PLPP1: variants seen among roughly 807,000 people sequenced by gnomAD.
The protein encoded by PLPP1 is phospholipid phosphatase 1.
Under a neutral mutation model 31.2 loss-of-function variants are expected in PLPP1, and 24 were observed. The ratio of observed to expected loss-of-function variants is 0.77; its 90% CI spans 0.56 to 1.08. The LOEUF (loss-of-function observed/expected upper bound fraction) is 1.08. Ranked by LOEUF, PLPP1 falls within the 50% of genes least tolerant of loss-of-function variation. The probability of loss-of-function intolerance (pLI) is 0.00; values close to 1 mark genes in which losing one functional copy is unlikely to be tolerated. For synonymous variants in PLPP1, 146 were observed against 126.3 expected, an observed-to-expected ratio of 1.16 and a Z score of -1.05; for missense variants, 319 against 342.7, an observed-to-expected ratio of 0.93 and a Z score of 0.55.
At chr5:55,522,355 T>C (rs182537016) in intron 1 of PLPP1, among the ~76,000 whole-genome samples, 1 of 152,342 alleles carries the variant, frequency 6.6e-6, no homozygotes, top group East Asian at 1.9e-4. Flanking sequence ...TGCTTAATAG[T>C]TATTGGGAGT....
At chr5:55,505,695 G>A (rs1753259310) in intron 1 of PLPP1, among the ~76,000 whole-genome samples, 1 of 152,146 alleles carries the variant, frequency 6.6e-6, no homozygotes, top group African/African-American at 2.4e-5. Flanking sequence ...AATACCACAA[G>A]TCGAAACTTA....
intron 5 of PLPP1, 143 bp from the exon 6 acceptor site, chr5:55,425,477 C>T: frequency 4.1e-6 from 3 of 722,998 alleles, no homozygotes; most frequent in Non-Finnish European, 6.1e-6. Context: ...AAATTAGAGA[C>T]TAACTGGGAT....
intron 2 of PLPP1, among the ~76,000 whole-genome samples, chr5:55,468,948 A>T (rs937584510): frequency 2.6e-5 from 4 of 152,170 alleles, no homozygotes; most frequent in Admixed American, 2.6e-4. Context: ...GAGTAAAATC[A>T]TTTCAGGGAG....
In PLPP1 at chr5:55,425,284, T is replaced by C. The variant is rs753327854; in HGVS notation, c.777A>G (p.Arg259=). ...GAGTTGTATGAGAGTCCTCCTCTTT[T>C]CTTTCTTTAAAAGAAGTTCTTTCTT... ...FFKERTSFKE[R]KEEDSHTTLH... The change falls in exon 6 of 6, where the codon AGA becomes AGG. Residue 259 remains arginine, a synonymous_variant. Coordinates refer to ENST00000307259, the MANE Select transcript of PLPP1 (RefSeq NM_003711.4). 26 of 1,611,636 alleles carry C rather than the reference T, an allele frequency of 1.6e-5. No homozygotes were observed. Among genetic ancestry groups the C allele is most frequent in the Non-Finnish European group, 2.0e-5 (23 of 1,177,996 alleles).
intron 1 of PLPP1, among the ~76,000 whole-genome samples, chr5:55,513,496 T>C (rs1188755605): frequency 1.3e-5 from 2 of 152,070 alleles, no homozygotes; most frequent in Non-Finnish European, 2.9e-5. Flanking sequence ...GGTCTCGAAC[T>C]CCTAACCCCA....
intron 1 of PLPP1, among the ~76,000 whole-genome samples, chr5:55,511,082 AT>A (rs1489306558): frequency 6.6e-6 from 1 of 152,204 alleles, no homozygotes; most frequent in Non-Finnish European, 1.5e-5. Flanking sequence ...ATCTCTGCAA[AT>A]AAAATGTGTC....
rs146539926 is a variant in PLPP1 at position 55,528,746 on chromosome 5, C to T, written c.58+5826G>A. Among the ~76,000 whole-genome samples, 117 of 152,062 alleles carry T rather than the reference C, an allele frequency of 7.7e-4. 5 individuals are homozygous for T. In the East Asian group the frequency reaches 0.021, roughly 28 times the overall value. On this transcript the variant is annotated intron_variant, in intron 1 of 5. Coordinates refer to ENST00000307259, the MANE Select transcript of PLPP1 (RefSeq NM_003711.4). The stretch of plus-strand genomic sequence containing the variant: ...CAAAACCAAAATATACCTTTTTATA[C>T]AATATATGTATATATTAGCAGCAAA...
At chr5:55,457,882 C>CT (rs1411129586) in intron 3 of PLPP1, among the ~76,000 whole-genome samples, 1 of 84,832 alleles carries the variant, frequency 1.2e-5, no homozygotes, top group Non-Finnish European at 2.5e-5. Flanking sequence ...CAGCGAGACT[C>CT]TGTCTCAAAA....
intron 4 of PLPP1, among the ~76,000 whole-genome samples, chr5:55,431,100 G>C (rs565138391): frequency 6.6e-6 from 1 of 152,192 alleles, no homozygotes; most frequent in East Asian, 1.9e-4. Context: ...CAAATTTTTG[G>C]TGTCTCAGAA....
intron 2 of PLPP1, among the ~76,000 whole-genome samples, 191 bp downstream of exon 2, chr5:55,475,108 C>A (rs544947952): frequency 2.0e-5 from 3 of 152,166 alleles, no homozygotes; most frequent in South Asian, 2.1e-4. Context: ...CTGGCTCTTA[C>A]AATTACACAT....
chr5:55,521,947 A>C (rs914758648), intron 1 of PLPP1, among the ~76,000 whole-genome samples: 2 of 152,176 alleles, frequency 1.3e-5, no homozygotes, highest in African/African-American at 4.8e-5. Flanking sequence ...CAGCAAACCC[A>C]TCTCTCCTAC....
intron 3 of PLPP1, among the ~76,000 whole-genome samples, chr5:55,443,295 A>C (rs939438597): frequency 2.7e-5 from 4 of 149,700 alleles, no homozygotes; most frequent in Admixed American, 6.7e-5. Flanking sequence ...ATGCCTAAGA[A>C]AGAGAATTCT....
intron 3 of PLPP1, among the ~76,000 whole-genome samples, chr5:55,462,462 C>A (rs1752186501): frequency 6.6e-6 from 1 of 152,048 alleles, no homozygotes; most frequent in African/African-American, 2.4e-5. Context: ...GATATTGACC[C>A]TTTTTGTCAC....
chr5:55,512,814 A>G (rs1478878507), intron 1 of PLPP1, among the ~76,000 whole-genome samples: 3 of 152,226 alleles, frequency 2.0e-5, no homozygotes, highest in East Asian at 1.9e-4. Flanking sequence ...TGGAAAATCT[A>G]TAACAGATGT....
At position 55,533,705 on chromosome 5, in the gene PLPP1, T is replaced by C. The variant is rs148626671; in HGVS notation, c.58+867A>G. ...GCAGCTCTTGCTTTGTTTTTGTTTA[T>C]TCCATCATATATAAATAGTTCACAG... On this transcript the variant is annotated intron_variant, in intron 1 of 5. Transcript: ENST00000307259. Among the ~76,000 whole-genome samples the C allele has an allele frequency of 1.3e-3, 197 of 152,344 alleles. 2 individuals carry two copies. In the Middle Eastern group the frequency reaches 0.024, roughly 18 times the overall value.
chr5:55,512,465 T>A (rs1753436476), intron 1 of PLPP1, among the ~76,000 whole-genome samples: 2 of 18,672 alleles, frequency 1.1e-4, no homozygotes, highest in South Asian at 3.5e-3. Flanking sequence ...AGCAAGACTG[T>A]CTCAAAAAAA....
At chr5:55,534,551 G>GGCCCGGCGGCGCGT in intron 1 of PLPP1, 21 bp downstream of exon 1, 1 of 1,528,648 alleles carries the variant, frequency 6.5e-7, no homozygotes, top group South Asian at 1.2e-5. Flanking sequence ...ACGCCCCTCG[G>GGCCCGGCGGCGCGT]ACCCGGCGGC....
At chr5:55,427,488 TA>T (rs1751234141) in intron 4 of PLPP1, among the ~76,000 whole-genome samples, 1 of 152,184 alleles carries the variant, frequency 6.6e-6, no homozygotes, top group Non-Finnish European at 1.5e-5. Context: ...GTGAAAAAAG[TA>T]AGTAGTCAAA....
At chr5:55,431,978 G>A (rs1364510859) in intron 4 of PLPP1, among the ~76,000 whole-genome samples, 2 of 152,212 alleles carry the variant, frequency 1.3e-5, no homozygotes, top group Non-Finnish European at 2.9e-5. Context: ...CTGGGGCACA[G>A]TGGCGTGATC....
Sources: gnomAD v4.1 joint callset for allele counts (sites outside exome capture counted in the v4.1 genomes callset) on GRCh38, gnomAD v4.1.1 for gene constraint, MANE v1.5 for transcripts, NCBI Gene and HGNC (gene_info 2026-07-23, HGNC 2026-07-21) for gene names.